The following TRIM37 variants were observed in gnomAD, a reference collection of about 807,000 sequenced individuals.
The protein encoded by TRIM37 is tripartite motif containing 37.
Under a neutral mutation model 129.8 loss-of-function variants are expected in TRIM37, and 80 were observed. The observed-to-expected ratio is 0.62, with a 90% CI of 0.51 to 0.74. The LOEUF is 0.74. Ranked by LOEUF, TRIM37 falls within the 30% of genes least tolerant of loss-of-function variation. The pLI, the probability that TRIM37 is intolerant of heterozygous loss-of-function variation, is 0.00. For synonymous variants in TRIM37, 389 were observed against 387.1 expected (o/e 1.00, Z -0.06); for missense variants, 1,054 against 1,176.5 (o/e 0.90, Z 1.52).
chr17:59,093,566 C>A (rs113174769), intron 2 of TRIM37, among the ~76,000 whole-genome samples: 1 of 152,200 alleles, frequency 6.6e-6, no homozygotes, highest in East Asian at 1.9e-4. Flanking sequence ...TACACTTCCC[C>A]CTTCAGATAC....
chr17:59,008,976 G>T (rs903382996), intron 22 of TRIM37, among the ~76,000 whole-genome samples: 4 of 152,056 alleles, frequency 2.6e-5, no homozygotes, highest in Admixed American at 6.6e-5. Flanking sequence ...TCTCCCTTCT[G>T]GCCTTTCACC....
At chr17:58,988,991 G>T (rs2032085988) in intron 24 of TRIM37, among the ~76,000 whole-genome samples, 1 of 152,172 alleles carries the variant, frequency 6.6e-6, no homozygotes, top group African/African-American at 2.4e-5. Context: ...TTAGCAGCAG[G>T]AAAGGCCTCC....
chr17:58,972,486 G>T, the TRIM37 span, among the ~76,000 whole-genome samples: 1 of 152,126 alleles, frequency 6.6e-6, no homozygotes, highest in Non-Finnish European at 1.5e-5. Flanking sequence ...GAGTAGCTGG[G>T]ATTACAGGCA....
chr17:59,001,348 A>G (rs2033725494), intron 23 of TRIM37, among the ~76,000 whole-genome samples: 1 of 151,964 alleles, frequency 6.6e-6, no homozygotes, highest in Non-Finnish European at 1.5e-5. Context: ...TCTGCCCAGT[A>G]AGTAGCACTC....
chr17:58,971,438 G>T, the TRIM37 span, among the ~76,000 whole-genome samples: 1 of 152,182 alleles, frequency 6.6e-6, no homozygotes, highest in African/African-American at 2.4e-5. Flanking sequence ...TGTCATTTTC[G>T]TATAGTAGGA....
chr17:59,016,194 G>GACC (rs1357076603), intron 20 of TRIM37, among the ~76,000 whole-genome samples: 1 of 151,880 alleles, frequency 6.6e-6, no homozygotes, highest in African/African-American at 2.4e-5. Context: ...AGGAGTTCAA[G>GACC]ACCAGCCTGG....
intron 16 of TRIM37, among the ~76,000 whole-genome samples, chr17:59,043,705 C>T (rs1278495498): frequency 6.6e-6 from 1 of 152,118 alleles, no homozygotes; most frequent in Non-Finnish European, 1.5e-5. Flanking sequence ...TACTGGGGCC[C>T]AGATCATCCC....
At chr17:59,102,706 C>A (rs932330081) in intron 2 of TRIM37, among the ~76,000 whole-genome samples, 30 of 152,140 alleles carry the variant, frequency 2.0e-4, no homozygotes, top group African/African-American at 6.8e-4. Context: ...GGGTCTTCTG[C>A]GCATGGTACA....
intron 12 of TRIM37, among the ~76,000 whole-genome samples, chr17:59,060,315 T>C (rs2041364811): frequency 6.6e-6 from 1 of 152,030 alleles, no homozygotes; most frequent in Non-Finnish European, 1.5e-5. Flanking sequence ...GTCTAGAAAA[T>C]GTTGTTTCAT....
Position 59,055,374 on chromosome 17 carries a change from A to T in TRIM37, c.1199+1501T>A, listed in dbSNP as rs548932522. Among the ~76,000 whole-genome samples, 16 of 151,276 alleles carry T rather than the reference A, an allele frequency of 1.1e-4. No homozygotes were observed. The South Asian group carries it at 3.3e-3, about 32-fold the overall frequency. On this transcript the variant is annotated intron_variant, in intron 13 of 23. Transcript: ENST00000262294. ...AAAAAAAAAAATTGATGGTTTTCGC[A>T]AATACCACATGTTCTCACTTATTAT...
chr17:59,016,952 G>A (rs2036019940), intron 20 of TRIM37, among the ~76,000 whole-genome samples: 1 of 152,148 alleles, frequency 6.6e-6, no homozygotes, highest in African/African-American at 2.4e-5. Flanking sequence ...GAGGCAGGCG[G>A]ATTGCTTGAG....
At chr17:59,093,801 C>G (rs1285645740) in intron 2 of TRIM37, among the ~76,000 whole-genome samples, 1 of 152,192 alleles carries the variant, frequency 6.6e-6, no homozygotes, top group Non-Finnish European at 1.5e-5. Flanking sequence ...GTCACTGGAT[C>G]ATGTCCATAA....
chr17:59,104,603 C>T, intron 1 of TRIM37: 1 of 701,050 alleles, frequency 1.4e-6, no homozygotes, highest in Non-Finnish European at 2.6e-6. Flanking sequence ...TGATTCTATT[C>T]TAAGGAAAAT....
At chr17:58,996,333 G>A (rs1439812932), downstream of TRIM37, among the ~76,000 whole-genome samples, 1 of 151,848 alleles carries the variant, frequency 6.6e-6, no homozygotes, top group East Asian at 1.9e-4. Flanking sequence ...AGCCGGGCGT[G>A]GTGGTGCATG....
rs114806880 is a variant in TRIM37, at chr17:58,992,781, T to C, written c.2891+6600A>G. The stretch of plus-strand genomic sequence containing the variant: ...ATGGTTCAGAGCTCCAACTGTCTAA[T>C]GACACCCACAGCATTTCTGGTGTAG... On this transcript the variant is annotated intron_variant, in intron 24 of 24. Coordinates refer to the TRIM37 transcript ENST00000393066. Among the ~76,000 whole-genome samples the C allele has an allele frequency of 6.6e-3, 1,003 of 152,290 alleles. 7 individuals carry two copies. Among genetic ancestry groups the C allele is most frequent in the African/African-American group, 0.023 (940 of 41,544 alleles).
chr17:59,046,377 T>C (rs1322181584), intron 16 of TRIM37, among the ~76,000 whole-genome samples: 2 of 152,144 alleles, frequency 1.3e-5, no homozygotes, highest in Non-Finnish European at 2.9e-5. Context: ...CTCCACTCTG[T>C]ATGACGCAGT....
chr17:59,017,498 A>C (rs1302353584), intron 19 of TRIM37, 74 bp from the exon 20 acceptor site: 44 of 1,605,048 alleles, frequency 2.7e-5, no homozygotes, highest in Non-Finnish European at 3.7e-5. Flanking sequence ...TGTCAGAAAA[A>C]GTTTTAATCT....
chr17:59,075,672 G>C lies in TRIM37; in HGVS notation c.659C>G (p.Ser220Cys), dbSNP rs771779792. 1.2e-6 allele frequency: 2 copies of C among 1,610,960 alleles called. No homozygotes were observed. Among genetic ancestry groups the C allele is most frequent in the South Asian group, 1.1e-5 (1 of 90,956 alleles). Residue 220 changes from serine to cysteine, a missense_variant, in exon 8 of 24, where the codon TCC (serine) becomes TGC (cysteine). Physicochemically the swap from Ser to Cys is moderately radical, Grantham distance 112. Transcript: ENST00000262294. ...CTGGTGCTCCACCTCCTGAAGTAAGGATTCCAAAAGCTCTGTTTCTTGGGT... is the reference window on the plus strand; with the variant it reads ...CTGGTGCTCCACCTCCTGAAGTAAGCATTCCAAAAGCTCTGTTTCTTGGGT... ...SLTQETELLE[S>C]LLQEVEHQLR...
At chr17:59,019,352 C>T (rs2036310067) in intron 19 of TRIM37, among the ~76,000 whole-genome samples, 1 of 152,120 alleles carries the variant, frequency 6.6e-6, no homozygotes. Flanking sequence ...ATGAATGAAC[C>T]TTGAAAGGGC....
Sources: allele counts gnomAD v4.1 joint callset (sites outside exome capture counted in the v4.1 genomes callset), GRCh38; gene constraint gnomAD v4.1.1; transcripts MANE v1.5; gene names NCBI Gene and HGNC (gene_info 2026-07-23, HGNC 2026-07-21).